The following TASOR2 variants were observed in gnomAD, a reference collection of about 807,000 sequenced individuals.
TASOR2 encodes protein TASOR 2.
A neutral mutation model predicts 199.5 loss-of-function variants in TASOR2; 84 were observed. The observed-to-expected ratio is 0.42, with a 90% CI of 0.35 to 0.50. The LOEUF (loss-of-function observed/expected upper bound fraction) is 0.50. Ranked by LOEUF, TASOR2 falls within the 20% of genes least tolerant of loss-of-function variation. The probability of loss-of-function intolerance (pLI) is 0.02; values close to 1 mark genes in which losing one functional copy is unlikely to be tolerated. For missense variants in TASOR2, 2,796 were observed against 2,835.9 expected, an observed-to-expected ratio of 0.99 and a Z score of 0.32; for synonymous variants, 1,103 against 1,046.6, an observed-to-expected ratio of 1.05 and a Z score of -1.04.
At chr10:5,714,710 T>G (rs1397420152) in intron 2 of TASOR2, 1 of 152,246 alleles carries the variant, frequency 6.6e-6, no homozygotes, top group Non-Finnish European at 1.5e-5. Flanking sequence ...CAGATTAAAC[T>G]ACTTTATAGA....
At chr10:5,716,811 T>A (rs2131560363) in intron 2 of TASOR2, among the ~76,000 whole-genome samples, 1 of 151,860 alleles carries the variant, frequency 6.6e-6, no homozygotes, top group South Asian at 2.1e-4. Context: ...GCTACTCAGG[T>A]GGCCAAGACT....
exon 10 of TASOR2, chr10:5,727,087 C>G: frequency 6.2e-7 from 1 of 1,614,116 alleles, no homozygotes; most frequent in Non-Finnish European, 8.5e-7. Context: ...GATGGGTCTG[C>G]ATGGGTTACA....
exon 1 of TASOR2, chr10:5,684,856 C>G (rs1443294982): frequency 2.5e-6 from 1 of 396,774 alleles, no homozygotes. Context: ...TTGCTAGCGC[C>G]GGTCAGAGAG....
intron 2 of TASOR2, among the ~76,000 whole-genome samples, chr10:5,715,642 G>GT (rs1564283780): frequency 1.1e-3 from 30 of 28,148 alleles, no homozygotes; most frequent in Non-Finnish European, 1.1e-3. Context: ...AGGCAGTTTT[G>GT]GTTTTTTTTT....
At chr10:5,702,723 A>G (rs927692148) in intron 1 of TASOR2, among the ~76,000 whole-genome samples, 4 of 151,572 alleles carry the variant, frequency 2.6e-5, no homozygotes, top group African/African-American at 9.7e-5. Flanking sequence ...TGGAGCCCCA[A>G]AAAAGAAAAC....
intron 1 of TASOR2, among the ~76,000 whole-genome samples, chr10:5,686,137 C>T (rs1298110021): frequency 6.6e-6 from 1 of 152,122 alleles, no homozygotes; most frequent in Non-Finnish European, 1.5e-5. Context: ...TACTGTACAT[C>T]AATAAATAAC....
At chr10:5,739,711 C>G in exon 13 of TASOR2, 12 of 1,614,044 alleles carry the variant, frequency 7.4e-6, no homozygotes, top group Non-Finnish European at 1.0e-5. Context: ...CCAGAAAATA[C>G]CACAGCGGCT....
intron 20 of TASOR2, 109 bp from the exon 22 acceptor site, chr10:5,762,920 T>C: frequency 3.0e-6 from 3 of 1,011,070 alleles, no homozygotes; most frequent in South Asian, 3.0e-5. Context: ...CAGAACATAA[T>C]GTAACCTTAG....
chr10:5,730,968 A>C lies in TASOR2; in HGVS notation c.969A>C (p.Lys323Asn), dbSNP rs1316567235. 6.2e-6 allele frequency: 10 copies of C among 1,614,156 alleles called. No individual in the cohort carries two copies. Among genetic ancestry groups the C allele is most frequent in the Non-Finnish European group, 8.5e-6 (10 of 1,180,046 alleles). ...AAGTGAGAAAAGAAACTGAAACAAAAAAGGATTCTGAAGAAATGTTGAAAG... is the reference window on the plus strand; with the variant it reads ...AAGTGAGAAAAGAAACTGAAACAAACAAGGATTCTGAAGAAATGTTGAAAG... Residue 323 changes from lysine (K) to asparagine (N), a missense_variant, in exon 11 of 21, where the codon AAA becomes AAC. Lys to Asn is a moderately conservative substitution (Grantham distance 94, BLOSUM62 0). Coordinates refer to ENST00000328090, the Ensembl canonical transcript of TASOR2. The surrounding 1 kb of genome is among the most constrained non-coding windows in gnomAD (Gnocchi z 4.1).
chr10:5,716,378 A>G (rs1832638137), intron 2 of TASOR2, among the ~76,000 whole-genome samples: 1 of 152,216 alleles, frequency 6.6e-6, no homozygotes, highest in Admixed American at 6.5e-5. Context: ...TATCTTCGAT[A>G]TATAATGAGT....
rs1335296523 is a variant in TASOR2, at chr10:5,706,703, G to A, written c.-287-6120G>A. On this transcript the variant is annotated intron_variant, in intron 1 of 20. Transcript: ENST00000328090. The surrounding 1 kb of genome is among the most constrained non-coding windows in gnomAD (Gnocchi z 4.8). ...GGCTCAGCAATGATTAATACATACAGTTAAGTAGTGAAACCTAGGCCTAGC... is the reference window on the plus strand; with the variant it reads ...GGCTCAGCAATGATTAATACATACAATTAAGTAGTGAAACCTAGGCCTAGC... Among the ~76,000 whole-genome samples, 1 of 152,156 alleles carries A rather than the reference G, an allele frequency of 6.6e-6. No individual in the cohort carries two copies. Among genetic ancestry groups the A allele is most frequent in the Non-Finnish European group, 1.5e-5 (1 of 68,020 alleles).
chr10:5,724,499 A>T, exon 8 of TASOR2: 1 of 1,513,478 alleles, frequency 6.6e-7, no homozygotes, highest in Non-Finnish European at 8.8e-7. Context: ...GAAAATATAG[A>T]TAAATTAACA....
rs186881432 is a variant in TASOR2 at position 5,754,306 on chromosome 10, C to T, written c.6607-2307C>T. Among the ~76,000 whole-genome samples, 2 of 152,234 alleles carry T rather than the reference C, an allele frequency of 1.3e-5. No homozygotes were observed. The highest frequency in any genetic ancestry group is 2.9e-5 in the Non-Finnish European group (2 of 68,012). Reference sequence around the variant, plus strand: ...CCACAACAGAGCAGTAATCTTAGTTCTCACTTCCTTTCCAGATGAAGTGAT... The same window carrying T: ...CCACAACAGAGCAGTAATCTTAGTTTTCACTTCCTTTCCAGATGAAGTGAT... On this transcript the variant is annotated intron_variant, in intron 15 of 20. Coordinates refer to ENST00000328090, the Ensembl canonical transcript of TASOR2. The surrounding 1 kb of genome is among the most constrained non-coding windows in gnomAD (Gnocchi z 4.3).
chr10:5,688,186 T>C (rs1836000193), intron 1 of TASOR2, among the ~76,000 whole-genome samples: 1 of 152,178 alleles, frequency 6.6e-6, no homozygotes, highest in Admixed American at 6.5e-5. Flanking sequence ...ATTATGTTCT[T>C]TTTTGATACT....
rs78982127 is a variant in TASOR2 at position 5,701,217 on chromosome 10, A to G, written c.-287-11606A>G. 6.1e-3 allele frequency among the ~76,000 whole-genome samples: 931 copies of G among 152,056 alleles called. 16 individuals carry two copies. The highest frequency in any genetic ancestry group is 0.045 in the South Asian group (217 of 4,810). ...CTGCATGTAGTTATCCAGTTTTCCC[A>G]CCACCGTTTATCAAAGAGACTGTCC... is the stretch of plus-strand genomic sequence containing the variant. On this transcript the variant is annotated intron_variant, in intron 1 of 20. Transcript: ENST00000328090. This position sits in a 1 kb window ranked among gnomAD's most constrained non-coding sequence, Gnocchi z 4.9.
rs1837914733 is a variant in TASOR2 at position 5,701,945 on chromosome 10, C to CTATT, written c.-287-10876_-287-10873dup. ...TCTTCTTTTCTGATTTGGATGCCCTCTATTTCTTTCTCTTGCCTAATTGCT... is the reference window on the plus strand; with the variant it reads ...TCTTCTTTTCTGATTTGGATGCCCTCTATTTATTTCTTTCTCTTGCCTAATTGCT... On this transcript the variant is annotated intron_variant, in intron 1 of 20. Transcript: ENST00000328090. This position sits in a 1 kb window ranked among gnomAD's most constrained non-coding sequence, Gnocchi z 4.9. Among the ~76,000 whole-genome samples, 1 of 152,022 alleles carries CTATT rather than the reference C, an allele frequency of 6.6e-6. No individual in the cohort carries two copies. Among genetic ancestry groups the CTATT allele is most frequent in the African/African-American group, 2.4e-5 (1 of 41,414 alleles).
exon 15 of TASOR2, chr10:5,747,425 G>A (rs1257497819): frequency 6.2e-7 from 1 of 1,614,072 alleles, no homozygotes; most frequent in African/African-American, 1.3e-5. Context: ...ACAGAAAGCA[G>A]AGAAGTGAGT....
At position 5,748,454 on chromosome 10, in the gene TASOR2, C is replaced by T. The variant is rs1402291422; in HGVS notation, c.5033C>T (p.Pro1678Leu). 3.7e-6 allele frequency: 6 copies of T among 1,614,188 alleles called. No homozygotes were observed. In the South Asian group the frequency reaches 6.6e-5, roughly 18 times the overall value. ...TATGTAAGACCAATAAATGCAGAGC[C>T]AGTGTTTCAAGCACAGGAAATACCA... The change falls in exon 15 of 21, where the codon CCA (proline) becomes CTA (leucine). Residue 1678 changes from proline to leucine, a missense_variant. Physicochemically the swap from Pro to Leu is moderately conservative, Grantham distance 98 (BLOSUM62 -3). Around this residue, in one of 3 missense-constraint regions of TASOR2, gnomAD observed 1,941 missense variants for 1,924.9 expected, o/e 1.01. Coordinates refer to ENST00000328090, the Ensembl canonical transcript of TASOR2. This position sits in a 1 kb window ranked among gnomAD's most constrained non-coding sequence, Gnocchi z 5.1.
In TASOR2 at chr10:5,687,271, C is replaced by G. The variant is rs1008981806; in HGVS notation, c.-288+2096C>G. On this transcript the variant is annotated intron_variant, in intron 1 of 20. Coordinates refer to ENST00000328090, the Ensembl canonical transcript of TASOR2. This position sits in a 1 kb window ranked among gnomAD's most constrained non-coding sequence, Gnocchi z 4.8. ...CAGGAGGAATGCGTTCCCTGCCCCC[C>G]GTTACCCTGGCCATTATTAATTTTG... Among the ~76,000 whole-genome samples the G allele has an allele frequency of 2.0e-5, 3 of 152,178 alleles. No individual in the cohort carries two copies. The highest frequency in any genetic ancestry group is 4.4e-5 in the Non-Finnish European group (3 of 68,038).
Sources: gnomAD v4.1 joint callset for allele counts (sites outside exome capture counted in the v4.1 genomes callset) on GRCh38, gnomAD v4.1.1 for gene constraint, gnomAD v4.1.1 regional missense constraint, Gnocchi (gnomAD v3.1) non-coding constraint, MANE v1.5 for transcripts, NCBI Gene and HGNC (gene_info 2026-07-23, HGNC 2026-07-21) for gene names.